CTNNA3: variants seen among roughly 807,000 people sequenced by gnomAD.
The protein encoded by CTNNA3 is catenin alpha 3.
In CTNNA3, 76 loss-of-function variants were observed where a neutral mutation model predicts 95.7. The observed-to-expected ratio is 0.79, with a 90% CI of 0.66 to 0.96. The LOEUF is 0.96. Ranked by LOEUF, CTNNA3 falls within the 40% of genes least tolerant of loss-of-function variation. The pLI, the probability that CTNNA3 is intolerant of heterozygous loss-of-function variation, is 0.00. For synonymous variants in CTNNA3, 431 were observed against 374.4 expected, an observed-to-expected ratio of 1.15 and a Z score of -1.74; for missense variants, 1,191 against 1,089.8, an observed-to-expected ratio of 1.09 and a Z score of -1.31.
intron 15 of CTNNA3, among the ~76,000 whole-genome samples, chr10:66,046,202 T>C (rs780295608): frequency 6.6e-6 from 1 of 152,084 alleles, no homozygotes; most frequent in Non-Finnish European, 1.5e-5. Context: ...GGTGAGTGAA[T>C]GAGCTGCCCC....
chr10:66,977,959 G>A (rs986189016), intron 7 of CTNNA3, among the ~76,000 whole-genome samples: 1 of 151,936 alleles, frequency 6.6e-6, no homozygotes, highest in Non-Finnish European at 1.5e-5. Flanking sequence ...ATGACACTTA[G>A]TCAAACTTTT....
chr10:67,731,578 G>A (rs1002008829), intron 1 of CTNNA3, among the ~76,000 whole-genome samples: 7 of 151,718 alleles, frequency 4.6e-5, no homozygotes, highest in African/African-American at 1.5e-4. Flanking sequence ...CGAGGCAGGC[G>A]GATCATGAGG....
chr10:66,008,959 A>C (rs1163347498), intron 15 of CTNNA3, among the ~76,000 whole-genome samples: 1 of 152,032 alleles, frequency 6.6e-6, no homozygotes, highest in Non-Finnish European at 1.5e-5. Flanking sequence ...AATTATCCGT[A>C]TGTAGTGGCA....
intron 5 of CTNNA3, among the ~76,000 whole-genome samples, chr10:67,489,115 A>C (rs2133074281): frequency 6.6e-6 from 1 of 152,286 alleles, no homozygotes; most frequent in South Asian, 2.1e-4. Flanking sequence ...TAGGTAAAAA[A>C]CCAAACTAAA....
At chr10:66,283,330 C>T (rs1234697981) in intron 12 of CTNNA3, among the ~76,000 whole-genome samples, 2 of 151,792 alleles carry the variant, frequency 1.3e-5, no homozygotes, top group African/African-American at 4.8e-5. Flanking sequence ...CTAAAAAATG[C>T]TTTTTCTCAT....
At chr10:67,536,786 T>TA (rs1016556334) in intron 4 of CTNNA3, among the ~76,000 whole-genome samples, 1 of 152,154 alleles carries the variant, frequency 6.6e-6, no homozygotes, top group Non-Finnish European at 1.5e-5. Context: ...TGTGCAGCAT[T>TA]GATCATTACA....
At chr10:66,623,916 T>A (rs1398877842) in intron 9 of CTNNA3, among the ~76,000 whole-genome samples, 1 of 152,188 alleles carries the variant, frequency 6.6e-6, no homozygotes, top group African/African-American at 2.4e-5. Context: ...TAATGATGAT[T>A]CTTCCTAAAT....
At chr10:67,062,828 C>T (rs1479815309) in intron 7 of CTNNA3, among the ~76,000 whole-genome samples, 2 of 152,142 alleles carry the variant, frequency 1.3e-5, no homozygotes, top group East Asian at 3.8e-4. Context: ...TAATTTTCCT[C>T]CAACAACAGC....
chr10:66,996,829 A>T (rs1851379884), intron 7 of CTNNA3, among the ~76,000 whole-genome samples: 1 of 152,056 alleles, frequency 6.6e-6, no homozygotes, highest in Non-Finnish European at 1.5e-5. Context: ...TACACTGTTA[A>T]ACACAGTAAT....
At chr10:67,352,707 C>T (rs968518387) in intron 5 of CTNNA3, among the ~76,000 whole-genome samples, 15 of 152,012 alleles carry the variant, frequency 9.9e-5, no homozygotes, top group Admixed American at 2.0e-4. Context: ...ACTCTCACAA[C>T]GGATTAAACA....
At chr10:66,071,909 A>G (rs1207660066) in intron 14 of CTNNA3, among the ~76,000 whole-genome samples, 3 of 152,208 alleles carry the variant, frequency 2.0e-5, no homozygotes, top group Non-Finnish European at 4.4e-5. Context: ...TGTTATCCCA[A>G]TTGCCTATTA....
chr10:66,815,745 C>T (rs1056031816), intron 7 of CTNNA3, among the ~76,000 whole-genome samples: 25 of 152,002 alleles, frequency 1.6e-4, no homozygotes, highest in Admixed American at 3.9e-4. Context: ...GCCACATAAT[C>T]GAAACGTGGC....
At chr10:67,177,311 G>A (rs1254045106) in intron 7 of CTNNA3, among the ~76,000 whole-genome samples, 1 of 152,188 alleles carries the variant, frequency 6.6e-6, no homozygotes, top group Non-Finnish European at 1.5e-5. Flanking sequence ...ACTCAGAGGA[G>A]TCATATGGTT....
At chr10:66,686,886 G>A (rs1008505409) in intron 9 of CTNNA3, among the ~76,000 whole-genome samples, 1 of 152,028 alleles carries the variant, frequency 6.6e-6, no homozygotes. Context: ...TTTAGTTTGA[G>A]TTGTTGTTGT....
At chr10:66,777,402 GT>G in intron 7 of CTNNA3, among the ~76,000 whole-genome samples, 2 of 151,698 alleles carry the variant, frequency 1.3e-5, no homozygotes, top group African/African-American at 4.9e-5. Flanking sequence ...GAAGAGAGAA[GT>G]AAGAAAAGGG....
chr10:66,610,214 A>C (rs1844278178), intron 10 of CTNNA3, among the ~76,000 whole-genome samples: 1 of 151,554 alleles, frequency 6.6e-6, no homozygotes, highest in Admixed American at 6.6e-5. Context: ...TCTTTTGAAT[A>C]GCCTCCAGTT....
intron 7 of CTNNA3, among the ~76,000 whole-genome samples, chr10:66,980,736 C>T (rs926447087): frequency 5.3e-5 from 8 of 152,122 alleles, no homozygotes; most frequent in South Asian, 2.1e-4. Context: ...AAATGGGAAT[C>T]GTCAATCTCA....
chr10:66,688,403 C>T (rs1254293259), intron 9 of CTNNA3, among the ~76,000 whole-genome samples: 1 of 152,118 alleles, frequency 6.6e-6, no homozygotes, highest in African/African-American at 2.4e-5. Flanking sequence ...TTTCATCCCA[C>T]CGGATTTTTG....
rs188711878 is a variant in CTNNA3, at chr10:67,295,681, T to C, written c.580-75811A>G. Among the ~76,000 whole-genome samples, 167 of 152,268 alleles carry C rather than the reference T, an allele frequency of 1.1e-3. 1 individual carries two copies. Among genetic ancestry groups the C allele is most frequent in the African/African-American group, 3.9e-3 (162 of 41,558 alleles). On this transcript the variant is annotated intron_variant, in intron 5 of 17. Coordinates refer to ENST00000433211, the MANE Select transcript of CTNNA3 (RefSeq NM_013266.4). The stretch of plus-strand genomic sequence containing the variant: ...CCACAAACAAATGAAATCAATAAAA[T>C]CAGGCAGTAAAGCCAACATCTGGGG...
Sources: allele counts gnomAD v4.1 joint callset (sites outside exome capture counted in the v4.1 genomes callset), GRCh38; gene constraint gnomAD v4.1.1; transcripts MANE v1.5; gene names NCBI Gene and HGNC (gene_info 2026-07-23, HGNC 2026-07-21).